The following THSD7B variants were observed in gnomAD, a reference collection of about 807,000 sequenced individuals.
THSD7B encodes the protein thrombospondin type 1 domain containing 7B.
Under a neutral mutation model 213.6 loss-of-function variants are expected in THSD7B, and 138 were observed. The observed-to-expected ratio is 0.65, with a 90% CI of 0.56 to 0.74. The LOEUF (loss-of-function observed/expected upper bound fraction) is 0.74. Among genes scored for constraint, THSD7B ranks in the 30% least tolerant of loss-of-function variants. The pLI is 0.00. For missense variants in THSD7B, 1,931 were observed against 1,991.5 expected (o/e 0.97, Z 0.58); for synonymous variants, 742 against 687.0 (o/e 1.08, Z -1.25).
intron 17 of THSD7B, among the ~76,000 whole-genome samples, chr2:137,598,861 A>T (rs1436944339): frequency 2.1e-5 from 3 of 139,720 alleles, no homozygotes; most frequent in East Asian, 2.1e-4. Context: ...TTTTTCTTTT[A>T]TGTTTCATTT....
intron 15 of THSD7B, among the ~76,000 whole-genome samples, chr2:137,455,871 T>C (rs1433879710): frequency 6.6e-6 from 1 of 152,202 alleles, no homozygotes; most frequent in Non-Finnish European, 1.5e-5. Flanking sequence ...TAATAGAAGA[T>C]TAAATATGAG....
chr2:137,223,794 G>A (rs1355288065), intron 7 of THSD7B, among the ~76,000 whole-genome samples: 1 of 152,118 alleles, frequency 6.6e-6, no homozygotes, highest in Non-Finnish European at 1.5e-5. Flanking sequence ...GGGAGGAGGG[G>A]CCTGATGGGA....
At chr2:137,646,348 T>G (rs1247308612) in intron 21 of THSD7B, among the ~76,000 whole-genome samples, 2 of 151,890 alleles carry the variant, frequency 1.3e-5, no homozygotes, top group South Asian at 4.2e-4. Context: ...TGGCTCTCAT[T>G]TAAACACTTC....
chr2:137,028,206 T>C (rs1271356169), intron 2 of THSD7B, among the ~76,000 whole-genome samples: 1 of 152,184 alleles, frequency 6.6e-6, no homozygotes, highest in Non-Finnish European at 1.5e-5. Flanking sequence ...GAGAATTGTC[T>C]TCCAACTTGA....
intron 15 of THSD7B, among the ~76,000 whole-genome samples, chr2:137,519,037 G>T (rs1680128976): frequency 6.6e-6 from 1 of 152,162 alleles, no homozygotes; most frequent in South Asian, 2.1e-4. Context: ...CACGAGGTCA[G>T]GAGTTCAAGA....
At chr2:137,221,662 C>G (rs1195478711) in intron 7 of THSD7B, among the ~76,000 whole-genome samples, 4 of 152,106 alleles carry the variant, frequency 2.6e-5, no homozygotes, top group Non-Finnish European at 5.9e-5. Flanking sequence ...TGTTATTTAT[C>G]ACAGAGAAAT....
intron 15 of THSD7B, among the ~76,000 whole-genome samples, chr2:137,485,368 T>C (rs1270980717): frequency 6.6e-6 from 1 of 151,874 alleles, no homozygotes; most frequent in Non-Finnish European, 1.5e-5. Context: ...TGTGTTCTGT[T>C]CCATTGATCT....
chr2:137,614,501 T>A (rs187728608), intron 17 of THSD7B, among the ~76,000 whole-genome samples: 2 of 152,290 alleles, frequency 1.3e-5, no homozygotes, highest in African/African-American at 4.8e-5. Context: ...AGGAAAGCAC[T>A]AATCAGGAGT....
intron 12 of THSD7B, among the ~76,000 whole-genome samples, chr2:137,304,831 A>G (rs913907777): frequency 1.3e-4 from 20 of 152,200 alleles, no homozygotes; most frequent in South Asian, 1.3e-3. Flanking sequence ...GTGCCTCAAA[A>G]TAATAATTCA....
At chr2:136,960,141 T>C (rs994303428) in intron 2 of THSD7B, among the ~76,000 whole-genome samples, 1 of 152,084 alleles carries the variant, frequency 6.6e-6, no homozygotes, top group South Asian at 2.1e-4. Context: ...TTATTATGAT[T>C]TTTTGAGACA....
intron 2 of THSD7B, among the ~76,000 whole-genome samples, chr2:136,983,383 A>ACACACACACACACACACACACACACACC (rs1553462400): frequency 6.8e-6 from 1 of 147,638 alleles, no homozygotes; most frequent in Non-Finnish European, 1.5e-5. Context: ...ACACACACTC[A>ACACACACACACACACACACACACACACC]CTCTCTCTCT....
chr2:137,554,233 A>C (rs17691594), intron 15 of THSD7B, among the ~76,000 whole-genome samples: 11,046 of 152,196 alleles, frequency 0.073, 448 homozygotes, highest in African/African-American at 0.086. Context: ...AGGAGCGTTT[A>C]GCAACCTGTG....
chr2:137,544,059 T>A (rs1358726011), intron 15 of THSD7B, among the ~76,000 whole-genome samples: 10 of 151,752 alleles, frequency 6.6e-5, no homozygotes, highest in Admixed American at 6.6e-4. Flanking sequence ...GTGTGGCAGT[T>A]TCTCAAAATG....
chr2:137,245,943 A>T (rs1682022129), intron 10 of THSD7B, among the ~76,000 whole-genome samples: 2 of 152,148 alleles, frequency 1.3e-5, no homozygotes, highest in Non-Finnish European at 2.9e-5. Flanking sequence ...GGGGCCTGGA[A>T]TTGTATATTT....
Position 137,101,024 on chromosome 2 carries a change from A to G in THSD7B, c.1199+5903A>G, listed in dbSNP as rs532356455. On this transcript the variant is annotated intron_variant, in intron 4 of 27. Coordinates refer to ENST00000409968, the MANE Select transcript of THSD7B (RefSeq NM_001316349.2). ...TGTTACATCTTTTAAATCTTCTCCTATTAGTTTTCTTTTTGTTGTCATTTG... is the reference window on the plus strand; with the variant it reads ...TGTTACATCTTTTAAATCTTCTCCTGTTAGTTTTCTTTTTGTTGTCATTTG... Among the ~76,000 whole-genome samples the G allele has an allele frequency of 2.0e-5, 3 of 152,116 alleles. No homozygotes were observed. The South Asian group carries it at 6.2e-4, about 32-fold the overall frequency.
chr2:137,331,854 C>T (rs1232421830), intron 12 of THSD7B, among the ~76,000 whole-genome samples: 1 of 152,198 alleles, frequency 6.6e-6, no homozygotes, highest in East Asian at 1.9e-4. Flanking sequence ...GGCCCGGGTG[C>T]TAAGCCCCTC....
At chr2:137,025,507 C>T (rs1178855935) in intron 2 of THSD7B, among the ~76,000 whole-genome samples, 1 of 152,016 alleles carries the variant, frequency 6.6e-6, no homozygotes, top group Non-Finnish European at 1.5e-5. Context: ...AAATAGATCC[C>T]CAAATAGTAT....
chr2:137,627,217 C>A (rs1682648327), intron 20 of THSD7B, among the ~76,000 whole-genome samples: 1 of 152,202 alleles, frequency 6.6e-6, no homozygotes, highest in Non-Finnish European at 1.5e-5. Flanking sequence ...CACTCTCCCC[C>A]AAGGGAGGGC....
intron 5 of THSD7B, among the ~76,000 whole-genome samples, chr2:137,130,008 G>C (rs1309951977): frequency 2.6e-5 from 4 of 152,132 alleles, no homozygotes; most frequent in African/African-American, 9.7e-5. Context: ...ATGTCTGACA[G>C]TTTTTATGTT....
Sources: allele counts gnomAD v4.1 joint callset (sites outside exome capture counted in the v4.1 genomes callset), GRCh38; gene constraint gnomAD v4.1.1; transcripts MANE v1.5; gene names NCBI Gene and HGNC (gene_info 2026-07-23, HGNC 2026-07-21).